BICD1: variants seen among roughly 807,000 people sequenced by gnomAD.
The protein encoded by BICD1 is protein bicaudal D homolog 1.
A neutral mutation model predicts 92.5 loss-of-function variants in BICD1; 35 were observed. The ratio of observed to expected loss-of-function variants is 0.38; its 90% CI spans 0.29 to 0.50. The LOEUF is 0.50. Among genes scored for constraint, BICD1 ranks in the 20% least tolerant of loss-of-function variants. BICD1 has a pLI of 0.93. For missense variants in BICD1, 950 were observed against 1,189.8 expected (o/e 0.80, Z 2.97); for synonymous variants, 429 against 465.1 (o/e 0.92, Z 1.00).
intron 2 of BICD1, among the ~76,000 whole-genome samples, chr12:32,234,615 A>G (rs1017414595): frequency 1.3e-5 from 2 of 150,152 alleles, no homozygotes; most frequent in African/African-American, 4.9e-5. Context: ...AAAAAGAAAG[A>G]AAGAAAGAAA....
chr12:32,345,290 A>T (rs1416882713), intron 8 of BICD1, among the ~76,000 whole-genome samples: 1 of 151,694 alleles, frequency 6.6e-6, no homozygotes, highest in South Asian at 2.1e-4. Flanking sequence ...AAAAAAAAAA[A>T]AGAAGAAAAA....
intron 4 of BICD1, among the ~76,000 whole-genome samples, chr12:32,320,873 GACA>G (rs148244962): frequency 0.25 from 37,769 of 151,874 alleles, 5,076 homozygotes; most frequent in East Asian, 0.6. Flanking sequence ...AGAGAAATAA[GACA>G]ACTATTCTCA....
intron 9 of BICD1, among the ~76,000 whole-genome samples, chr12:32,374,982 G>C (rs1367893436): frequency 3.8e-5 from 2 of 53,030 alleles, no homozygotes; most frequent in African/African-American, 1.7e-4. Context: ...GCAATGGCGC[G>C]ATCTCGGCTC....
intron 1 of BICD1, among the ~76,000 whole-genome samples, chr12:32,161,245 T>C (rs1276783767): frequency 6.6e-6 from 1 of 152,190 alleles, no homozygotes; most frequent in African/African-American, 2.4e-5. Flanking sequence ...GGCTGAAAGA[T>C]GGCATGCCGT....
chr12:32,144,001 C>G (rs1943031388), intron 1 of BICD1, among the ~76,000 whole-genome samples: 2 of 152,072 alleles, frequency 1.3e-5, no homozygotes, highest in Non-Finnish European at 2.9e-5. Flanking sequence ...TATAGGAGTT[C>G]TTTGTATAAT....
At chr12:32,173,773 G>A (rs1250811962) in intron 1 of BICD1, among the ~76,000 whole-genome samples, 1 of 152,118 alleles carries the variant, frequency 6.6e-6, no homozygotes, top group East Asian at 1.9e-4. Flanking sequence ...CTTATATATA[G>A]TTGCCAGATG....
intron 8 of BICD1, among the ~76,000 whole-genome samples, chr12:32,342,454 C>T (rs1938419365): frequency 6.6e-6 from 1 of 151,624 alleles, no homozygotes; most frequent in Non-Finnish European, 1.5e-5. Flanking sequence ...TGGGGTTTCA[C>T]AGTATTAGCC....
At chr12:32,114,975 G>A (rs570134023) in intron 1 of BICD1, among the ~76,000 whole-genome samples, 1 of 152,010 alleles carries the variant, frequency 6.6e-6, no homozygotes, top group Non-Finnish European at 1.5e-5. Flanking sequence ...CTTTATTGAA[G>A]ATGCATTAGC....
intron 1 of BICD1, among the ~76,000 whole-genome samples, chr12:32,177,090 G>T (rs1464898750): frequency 6.6e-6 from 1 of 151,810 alleles, no homozygotes; most frequent in Non-Finnish European, 1.5e-5. Context: ...TGAGGCGGGC[G>T]CATGCCTTGA....
chr12:32,229,601 A>G (rs1197967824), intron 2 of BICD1, among the ~76,000 whole-genome samples: 2 of 152,198 alleles, frequency 1.3e-5, no homozygotes, highest in Non-Finnish European at 2.9e-5. Context: ...TGGTCACCTC[A>G]GTGAGAGAAG....
At chr12:32,140,740 G>A (rs1039033943) in intron 1 of BICD1, among the ~76,000 whole-genome samples, 2 of 152,048 alleles carry the variant, frequency 1.3e-5, no homozygotes, top group Non-Finnish European at 2.9e-5. Flanking sequence ...GTTTCTTCAG[G>A]TGAATAAAAT....
At chr12:32,118,524 G>T (rs571238710) in intron 1 of BICD1, among the ~76,000 whole-genome samples, 16 of 152,180 alleles carry the variant, frequency 1.1e-4, no homozygotes, top group African/African-American at 3.9e-4. Context: ...GCTTTTTTTG[G>T]TCATTGTTCC....
chr12:32,270,914 T>C (rs957430683), intron 2 of BICD1, among the ~76,000 whole-genome samples: 3 of 152,158 alleles, frequency 2.0e-5, no homozygotes, highest in Non-Finnish European at 2.9e-5. Flanking sequence ...AAAGGGACCC[T>C]GTGTGTGAAG....
intron 8 of BICD1, chr12:32,353,739 A>C (rs1288562265): frequency 6.6e-6 from 1 of 152,036 alleles, no homozygotes; most frequent in African/African-American, 2.4e-5. Flanking sequence ...CTTTTTGATG[A>C]TGCATCAATT....
chr12:32,128,895 T>C (rs1469987349), intron 1 of BICD1, among the ~76,000 whole-genome samples: 2 of 152,002 alleles, frequency 1.3e-5, no homozygotes, highest in Non-Finnish European at 2.9e-5. Flanking sequence ...ACATCAGCCA[T>C]ACAAGTAGCC....
chr12:32,247,548 G>A (rs1047018397), intron 2 of BICD1, among the ~76,000 whole-genome samples: 1 of 152,146 alleles, frequency 6.6e-6, no homozygotes, highest in Non-Finnish European at 1.5e-5. Flanking sequence ...GGAGGCCGAG[G>A]TGGGCAGATC....
chr12:32,258,443 G>A (rs538021088), intron 2 of BICD1, among the ~76,000 whole-genome samples: 4 of 152,168 alleles, frequency 2.6e-5, no homozygotes, highest in Admixed American at 6.5e-5. Context: ...GGGGCTTAGC[G>A]GGTGTTCTCT....
At chr12:32,202,346 C>G (rs1944929776) in intron 1 of BICD1, among the ~76,000 whole-genome samples, 1 of 152,004 alleles carries the variant, frequency 6.6e-6, no homozygotes, top group African/African-American at 2.4e-5. Flanking sequence ...CTGAACTTGC[C>G]CAAATTACAG....
chr12:32,163,294 G>C (rs1193347577), intron 1 of BICD1, among the ~76,000 whole-genome samples: 1 of 151,956 alleles, frequency 6.6e-6, no homozygotes, highest in Non-Finnish European at 1.5e-5. Flanking sequence ...TTATGTACTA[G>C]GGTACTGAGG....
Sources: allele counts gnomAD v4.1 joint callset (sites outside exome capture counted in the v4.1 genomes callset), GRCh38; gene constraint gnomAD v4.1.1; transcripts MANE v1.5; gene names NCBI Gene and HGNC (gene_info 2026-07-23, HGNC 2026-07-21).